The following GINS2 variants were observed in gnomAD, a reference collection of about 807,000 sequenced individuals.
The protein encoded by GINS2 is GINS complex subunit 2.
A neutral mutation model predicts 21.2 loss-of-function variants in GINS2; 23 were observed. That is an observed-to-expected ratio of 1.08 (90% CI 0.78 to 1.53). The LOEUF (loss-of-function observed/expected upper bound fraction) is 1.53, where lower values mean the gene tolerates loss of function less well. GINS2 is among the 40% of genes most tolerant of loss of function. The probability of loss-of-function intolerance (pLI) is 0.00; values close to 1 mark genes in which losing one functional copy is unlikely to be tolerated. For synonymous variants in GINS2, 118 were observed against 85.6 expected (o/e 1.38, Z -2.09); for missense variants, 323 against 233.9 (o/e 1.38, Z -2.49).
At chr16:85,686,623 T>A (rs1462622579) in intron 2 of GINS2, among the ~76,000 whole-genome samples, 1 of 152,110 alleles carries the variant, frequency 6.6e-6, no homozygotes, top group Non-Finnish European at 1.5e-5. Flanking sequence ...TAATCTACAT[T>A]GTCTCTATTG....
At chr16:85,683,191 G>A (rs898162404) in intron 2 of GINS2, among the ~76,000 whole-genome samples, 10 of 152,056 alleles carry the variant, frequency 6.6e-5, no homozygotes, top group African/African-American at 2.2e-4. Context: ...AAGGCCCTCC[G>A]TGAACACCCC....
Position 85,677,004 on chromosome 16 carries a change from A to G in GINS2, c.*1208T>C, listed in dbSNP as rs967119922. 2 of 151,968 alleles carry G rather than the reference A, an allele frequency of 1.3e-5. No homozygotes were observed. Among genetic ancestry groups the G allele is most frequent in the African/African-American group, 2.4e-5 (1 of 41,348 alleles). The allele number at this position is 151,968 out of a possible 1,614,324, so 9.4% of individuals were successfully genotyped here. A position where few individuals can be genotyped will look rare whatever the true frequency, so the allele number is the denominator to read the frequency against. On this transcript the variant is annotated 3_prime_UTR_variant, in exon 5 of 5. Coordinates refer to ENST00000253462, the MANE Select transcript of GINS2 (RefSeq NM_016095.3). ...CTCAGCCTCCCGAGTAGCTGCGACT[A>G]TAGGCGTGTGCCACCACACCTGGCA... is the stretch of plus-strand genomic sequence containing the variant.
chr16:85,681,905 G>C (rs2053736544), intron 2 of GINS2, among the ~76,000 whole-genome samples: 1 of 151,908 alleles, frequency 6.6e-6, no homozygotes, highest in Non-Finnish European at 1.5e-5. Flanking sequence ...CGCTGCTTTA[G>C]CCTGCAGAAG....
Position 85,688,794 on chromosome 16 carries a change from G to A in GINS2, c.90+15C>T, listed in dbSNP as rs1323605401. On this transcript the variant is annotated intron_variant, in intron 1 of 4. Coordinates refer to ENST00000253462, the MANE Select transcript of GINS2 (RefSeq NM_016095.3). ...CAGCCCGGCCTCCCCTCCCCACGGC[G>A]GGCCCAGGCCTCACCCCGATGAGGT... 4.7e-6 allele frequency: 7 copies of A among 1,479,812 alleles called. No individual in the cohort carries two copies. The highest frequency in any genetic ancestry group is 6.4e-6 in the Non-Finnish European group (7 of 1,101,446). The allele number at this position is 1,479,812 out of a possible 1,614,324, so 91.7% of individuals were successfully genotyped here. A position where few individuals can be genotyped will look rare whatever the true frequency, so the allele number is the denominator to read the frequency against.
At chr16:85,680,829 C>G (rs2053726112) in intron 3 of GINS2, among the ~76,000 whole-genome samples, 1 of 152,162 alleles carries the variant, frequency 6.6e-6, no homozygotes, top group Non-Finnish European at 1.5e-5. Context: ...AGCCTGAGCC[C>G]TCCAGAAGCA....
At chr16:85,684,963 T>C (rs1014052584) in intron 2 of GINS2, among the ~76,000 whole-genome samples, 2 of 151,928 alleles carry the variant, frequency 1.3e-5, no homozygotes, top group Non-Finnish European at 2.9e-5. Flanking sequence ...AATTTTTGTA[T>C]TTTTTAGTAG....
intron 2 of GINS2, among the ~76,000 whole-genome samples, chr16:85,683,234 C>A (rs1324406558): frequency 3.9e-5 from 6 of 152,062 alleles, no homozygotes; most frequent in Admixed American, 3.9e-4. Flanking sequence ...CTAGGCTCCC[C>A]TTTTTGTCTC....
rs992707075 is a variant in GINS2 at position 85,688,928 on chromosome 16, C to G, written c.-30G>C. The G allele has an allele frequency of 8.8e-6, 13 of 1,470,494 alleles. No individual in the cohort carries two copies. Among genetic ancestry groups the G allele is most frequent in the Non-Finnish European group, 1.2e-5 (13 of 1,084,758 alleles). The allele number at this position is 1,470,494 out of a possible 1,614,324, so 91.1% of individuals were successfully genotyped here. On this transcript the variant is annotated 5_prime_UTR_variant, in exon 1 of 5. Coordinates refer to ENST00000253462, the MANE Select transcript of GINS2 (RefSeq NM_016095.3). ...GCGCGAGCTGCAGGCCAGAGCCTCA[C>G]GGTCTCCTCGGGCCCCTCAGCGTCC...
chr16:85,678,015 T>C lies in GINS2; in HGVS notation c.*197A>G, dbSNP rs184172483. 3.5e-5 allele frequency: 18 copies of C among 511,622 alleles called. No homozygotes were observed. The East Asian group carries it at 5.3e-4, about 15-fold the overall frequency. 31.7% of individuals were successfully genotyped at this position (511,622 alleles called of 1,614,324 possible). ...CTGGTTTCTAGAAACAGATGTGGAA[T>C]TGAAGAATGTCCCAGGGAGCTAAGT... On this transcript the variant is annotated 3_prime_UTR_variant, in exon 5 of 5. Transcript: ENST00000253462.
chr16:85,688,600 AACCCGGGCGTTCGGGGC>A (rs1269063433), intron 1 of GINS2, among the ~76,000 whole-genome samples, 192 bp downstream of exon 1: 3 of 152,152 alleles, frequency 2.0e-5, no homozygotes, highest in Non-Finnish European at 4.4e-5. Context: ...AAACCCTGTA[AACCCGGGCGTTCGGGGC>A]ACTGGCAAAG....
rs1454592357 is a variant in GINS2 at position 85,677,724 on chromosome 16, G to C, written c.*488C>G. The C allele has an allele frequency of 1.9e-5, 3 of 155,904 alleles. No homozygotes were observed. The highest frequency in any genetic ancestry group is 2.8e-5 in the Non-Finnish European group (2 of 70,416). The allele number at this position is 155,904 out of a possible 1,614,324, so 9.7% of individuals were successfully genotyped here. Reference sequence around the variant, plus strand: ...ATCAGGGCTTAGAGGATAAGCACCGGTCAGCATTGTTGGCTGCACCATCTG... The same window carrying C: ...ATCAGGGCTTAGAGGATAAGCACCGCTCAGCATTGTTGGCTGCACCATCTG... On this transcript the variant is annotated 3_prime_UTR_variant, in exon 5 of 5. Coordinates refer to ENST00000253462, the MANE Select transcript of GINS2 (RefSeq NM_016095.3).
rs75765722 is a variant in GINS2, at chr16:85,677,645, C to G, written c.*567G>C. 6.6e-6 allele frequency: 1 copy of G among 152,346 alleles called. No homozygotes were observed. Among genetic ancestry groups the G allele is most frequent in the Non-Finnish European group, 1.5e-5 (1 of 68,200 alleles). 9.4% of individuals were successfully genotyped at this position (152,346 alleles called of 1,614,324 possible). On this transcript the variant is annotated 3_prime_UTR_variant, in exon 5 of 5. Coordinates refer to ENST00000253462, the MANE Select transcript of GINS2 (RefSeq NM_016095.3). ...GCTCAGTCCTTTTACTTGGTAGTTA[C>G]GCAGCACAAAAACCTAGAGAGTCAG...
Position 85,688,500 on chromosome 16 carries a change from G to C in GINS2, c.90+309C>G, listed in dbSNP as rs553554470. Among the ~76,000 whole-genome samples, 138 of 152,184 alleles carry C rather than the reference G, an allele frequency of 9.1e-4. 1 individual carries two copies. Among genetic ancestry groups the C allele is most frequent in the Middle Eastern group, 3.4e-3 (1 of 294 alleles). Reference sequence around the variant, plus strand: ...GGCGGAGGCTGCAGTGAGCCGAGACGGCACCACTGCACTCCAGCCTGGGCG... The same window carrying C: ...GGCGGAGGCTGCAGTGAGCCGAGACCGCACCACTGCACTCCAGCCTGGGCG... On this transcript the variant is annotated intron_variant, in intron 1 of 4. Transcript: ENST00000253462.
rs754566627 is a variant in GINS2 at position 85,687,566 on chromosome 16, C to G, written c.99G>C (p.Leu33=). The G allele has an allele frequency of 1.9e-6, 3 of 1,553,062 alleles. No individual in the cohort carries two copies. The Admixed American group carries it at 6.5e-5, about 34-fold the overall frequency. The change falls in exon 2 of 5, where the codon CTG becomes CTC. Residue 33 remains leucine (L), a synonymous_variant. Coordinates refer to ENST00000253462, the MANE Select transcript of GINS2 (RefSeq NM_016095.3). ...CGGGTAAACCAGGGTTAAAAGGCCC[C>G]AGGTCCCCCTGCCAAAAGTAAAACA... ...LDKIYLIGGD[L]GPFNPGLPVE...
chr16:85,687,878 C>G (rs944789896), intron 1 of GINS2: 5 of 239,450 alleles, frequency 2.1e-5, no homozygotes, highest in African/African-American at 1.1e-4. Flanking sequence ...TTCACACACC[C>G]AATGTTGGGG....
chr16:85,685,258 CA>C (rs1178972792), intron 2 of GINS2, among the ~76,000 whole-genome samples: 1 of 152,210 alleles, frequency 6.6e-6, no homozygotes. Context: ...TGCGATAAAA[CA>C]GGCCCTTGCC....
intron 1 of GINS2, chr16:85,687,896 G>C (rs924076309): frequency 5.0e-6 from 1 of 200,490 alleles, no homozygotes; most frequent in Non-Finnish European, 1.0e-5. Context: ...GGGTCCTGGG[G>C]TGCGGGGAGG....
At chr16:85,678,457 G>T in intron 4 of GINS2, 83 bp downstream of exon 4, 2 of 1,542,806 alleles carry the variant, frequency 1.3e-6, no homozygotes, top group Admixed American at 1.7e-5. Context: ...AGTAATGCCT[G>T]CCTGTAATAG....
chr16:85,681,652 G>C lies in GINS2; in HGVS notation c.235C>G (p.Arg79Gly). 6.2e-7 allele frequency: 1 copy of C among 1,610,392 alleles called. No individual in the cohort carries two copies. Among genetic ancestry groups the C allele is most frequent in the East Asian group, 2.2e-5 (1 of 44,866 alleles). Residue 79 changes from arginine (R) to glycine (G), a missense_variant, in exon 3 of 5, where the codon CGA becomes GGA. Arg to Gly is a moderately radical substitution (Grantham distance 125, BLOSUM62 -2). Coordinates refer to ENST00000253462, the MANE Select transcript of GINS2 (RefSeq NM_016095.3). ...EKLEKMRDHERKEETFTPMPS... is the reference protein window; with the variant it reads ...EKLEKMRDHEGKEETFTPMPS... The stretch of plus-strand genomic sequence containing the variant: ...ATTGGGGTAAAAGTTTCTTCCTTTC[G>C]TTCATGATCCCTCATCTTCTCCAAC...
Sources: gnomAD v4.1 joint callset for allele counts (sites outside exome capture counted in the v4.1 genomes callset) on GRCh38, gnomAD v4.1.1 for gene constraint, MANE v1.5 for transcripts, NCBI Gene and HGNC (gene_info 2026-07-23, HGNC 2026-07-21) for gene names.